The following KLF17 variants were observed in gnomAD, a reference collection of about 807,000 sequenced individuals.
The protein encoded by KLF17 is Krueppel-like factor 17.
KLF17 carries 31 observed loss-of-function variants against 34.2 expected under a neutral mutation model. That is an observed-to-expected ratio of 0.91 (90% CI 0.68 to 1.22). KLF17 has a LOEUF of 1.22. Ranked by LOEUF, KLF17 falls within the 50% of genes most tolerant of loss-of-function variation. The pLI, the probability that KLF17 is intolerant of heterozygous loss-of-function variation, is 0.00. For missense variants in KLF17, 478 were observed against 505.2 expected (o/e 0.95, Z 0.52); for synonymous variants, 179 against 186.7 (o/e 0.96, Z 0.34).
At chr1:44,057,894 C>A in the KLF17 span, among the ~76,000 whole-genome samples, 1 of 152,218 alleles carries the variant, frequency 6.6e-6, no homozygotes, top group African/African-American at 2.4e-5. Flanking sequence ...CATCAAGGAA[C>A]ATACCATGGG....
rs1313202663 is a variant in KLF17 at position 44,123,907 on chromosome 1, TATG to T, written c.81+4922_81+4924del. ...GTTGTGGGTCAGAGAAGATACTTTGTATGATACCTTTTTTTTTTTATTTTTTTC... is the reference window on the plus strand; with the variant it reads ...GTTGTGGGTCAGAGAAGATACTTTGTATACCTTTTTTTTTTTATTTTTTTC... On this transcript the variant is annotated intron_variant, in intron 1 of 3. Transcript: ENST00000372299. 4.6e-5 allele frequency among the ~76,000 whole-genome samples: 7 copies of T among 152,152 alleles called. No individual in the cohort carries two copies. In the East Asian group the frequency reaches 1.4e-3, roughly 29 times the overall value.
At chr1:44,100,079 T>TACACACACACACACACAC in the KLF17 span, among the ~76,000 whole-genome samples, 41 of 138,636 alleles carry the variant, frequency 3.0e-4, no homozygotes, top group African/African-American at 5.2e-4. Context: ...CTACTAAAAA[T>TACACACACACACACACAC]ACACACACAC....
Position 44,135,114 on chromosome 1 carries a change from C to T in KLF17, c.*1877C>T, listed in dbSNP as rs1265235154. ...GTTTGAGACCAGTGTGACCTTGTCT[C>T]TGTAAAAAATAAAATTAAAAGAAAA... On this transcript the variant is annotated 3_prime_UTR_variant, in exon 4 of 4. Coordinates refer to ENST00000372299, the MANE Select transcript of KLF17 (RefSeq NM_173484.4). The T allele has an allele frequency of 6.6e-6, 1 of 152,026 alleles. No individual in the cohort carries two copies. The highest frequency in any genetic ancestry group is 1.5e-5 in the Non-Finnish European group (1 of 67,998). 9.4% of individuals were successfully genotyped at this position (152,026 alleles called of 1,614,324 possible).
chr1:44,082,598 C>T, the KLF17 span, among the ~76,000 whole-genome samples: 1 of 152,300 alleles, frequency 6.6e-6, no homozygotes, highest in African/African-American at 2.4e-5. Context: ...TAGGAAGTTT[C>T]TTTATGAACA....
At chr1:44,099,788 C>G in the KLF17 span, among the ~76,000 whole-genome samples, 12 of 148,864 alleles carry the variant, frequency 8.1e-5, no homozygotes, top group African/African-American at 3.0e-4. Flanking sequence ...GGACTCCAGC[C>G]TGGGCGACAG....
At chr1:44,098,503 T>A in the KLF17 span, among the ~76,000 whole-genome samples, 417 of 151,436 alleles carry the variant, frequency 2.8e-3, 2 homozygotes, top group African/African-American at 9.6e-3. Flanking sequence ...AGATTATTTT[T>A]AAATCTTTTT....
chr1:44,101,578 G>A, the KLF17 span: 15 of 152,280 alleles, frequency 9.9e-5, no homozygotes, highest in African/African-American at 2.6e-4. Flanking sequence ...GATAAATGAC[G>A]TTGTGCCCTT....
chr1:44,106,221 C>T, the KLF17 span, among the ~76,000 whole-genome samples: 3 of 152,166 alleles, frequency 2.0e-5, no homozygotes, highest in Non-Finnish European at 4.4e-5. Context: ...GGCCAAGGAT[C>T]CCTACAGATC....
At chr1:44,044,858 G>A in the KLF17 span, 3 of 152,258 alleles carry the variant, frequency 2.0e-5, no homozygotes, top group African/African-American at 7.2e-5. Context: ...GAAAACAAGA[G>A]TAGACCCAGA....
At chr1:44,126,272 G>A (rs190363665) in intron 1 of KLF17, among the ~76,000 whole-genome samples, 92 of 152,140 alleles carry the variant, frequency 6.0e-4, no homozygotes, top group Non-Finnish European at 9.0e-4. Flanking sequence ...CGATCCACCC[G>A]CCTCGGCCTC....
At chr1:44,131,187 G>A (rs2429049) in intron 3 of KLF17, among the ~76,000 whole-genome samples, 45,505 of 151,908 alleles carry the variant, frequency 0.3, 7,625 homozygotes, top group East Asian at 0.45. Flanking sequence ...AAGATTATGG[G>A]TCAGTGTTGA....
the KLF17 span, among the ~76,000 whole-genome samples, chr1:44,072,748 A>T: frequency 3.9e-5 from 6 of 152,114 alleles, no homozygotes; most frequent in Non-Finnish European, 8.8e-5. Context: ...ACAATAGTAG[A>T]TGCGGGCACC....
chr1:44,096,352 C>G, the KLF17 span, among the ~76,000 whole-genome samples: 1 of 151,754 alleles, frequency 6.6e-6, no homozygotes, highest in Non-Finnish European at 1.5e-5. Context: ...TCTAATTGCT[C>G]TGGCTAAGAC....
chr1:44,130,865 G>C lies in KLF17; in HGVS notation c.*109G>C, dbSNP rs747838181. 4 of 1,053,960 alleles carry C rather than the reference G, an allele frequency of 3.8e-6. No homozygotes were observed. The Admixed American group carries it at 9.2e-5, about 24-fold the overall frequency. 65.3% of individuals were successfully genotyped at this position (1,053,960 alleles called of 1,614,324 possible). A position where few individuals can be genotyped will look rare whatever the true frequency, so the allele number is the denominator to read the frequency against. On this transcript the variant is annotated intron_variant, in intron 3 of 3. Coordinates refer to ENST00000372299, the MANE Select transcript of KLF17 (RefSeq NM_173484.4). The stretch of plus-strand genomic sequence containing the variant: ...AGGCTGGAGTGCAGTGGCGCAATTC[G>C]GTTCACTGCACCTTCCACCTCCCAG...
At chr1:44,046,122 G>T in the KLF17 span, 2 of 117,922 alleles carry the variant, frequency 1.7e-5, no homozygotes, top group South Asian at 3.4e-4. Context: ...CACAAGATTT[G>T]GTAAAGGATA....
chr1:44,120,481 G>C (rs2087933697), intron 1 of KLF17, among the ~76,000 whole-genome samples: 1 of 152,220 alleles, frequency 6.6e-6, no homozygotes, highest in Non-Finnish European at 1.5e-5. Flanking sequence ...ATTCTAAGAA[G>C]GGTGTGGCCA....
the KLF17 span, among the ~76,000 whole-genome samples, chr1:44,047,544 TG>T: frequency 6.6e-6 from 1 of 152,018 alleles, no homozygotes; most frequent in Non-Finnish European, 1.5e-5. Flanking sequence ...TGGCTTCCCC[TG>T]GAGCATTGCT....
chr1:44,093,139 G>A, the KLF17 span, among the ~76,000 whole-genome samples: 32 of 152,334 alleles, frequency 2.1e-4, no homozygotes, highest in African/African-American at 7.7e-4. Context: ...GAAAAACCAA[G>A]AGGATGAAAA....
the KLF17 span, among the ~76,000 whole-genome samples, chr1:44,057,641 C>T: frequency 6.6e-6 from 1 of 152,184 alleles, no homozygotes. Flanking sequence ...AAAAGGATCC[C>T]TCAGGATGGT....
Sources: allele counts gnomAD v4.1 joint callset (sites outside exome capture counted in the v4.1 genomes callset), GRCh38; gene constraint gnomAD v4.1.1; transcripts MANE v1.5; gene names NCBI Gene and HGNC (gene_info 2026-07-23, HGNC 2026-07-21).